PDGFD: variants seen among roughly 807,000 people sequenced by gnomAD.
The protein encoded by PDGFD is platelet-derived growth factor D.
PDGFD carries 30 observed loss-of-function variants against 44.7 expected under a neutral mutation model. The ratio of observed to expected loss-of-function variants is 0.67; its 90% CI spans 0.50 to 0.91. The LOEUF (loss-of-function observed/expected upper bound fraction) is 0.91, where lower values mean the gene tolerates loss of function less well. Ranked by LOEUF, PDGFD falls within the 40% of genes least tolerant of loss-of-function variation. PDGFD has a pLI of 0.00. For missense variants in PDGFD, 445 were observed against 457.8 expected, an observed-to-expected ratio of 0.97 and a Z score of 0.25; for synonymous variants, 173 against 168.4, an observed-to-expected ratio of 1.03 and a Z score of -0.21.
chr11:104,050,509 A>G (rs1860517085), intron 1 of PDGFD, among the ~76,000 whole-genome samples: 1 of 152,204 alleles, frequency 6.6e-6, no homozygotes, highest in African/African-American at 2.4e-5. Context: ...GGACCAGATA[A>G]GATAATTTTG....
chr11:104,056,243 A>C (rs1006246703), intron 1 of PDGFD, among the ~76,000 whole-genome samples: 5 of 152,206 alleles, frequency 3.3e-5, no homozygotes, highest in Non-Finnish European at 7.3e-5. Context: ...CAATGATATA[A>C]TACTTAATAT....
At chr11:104,157,617 T>G (rs1862325271) in intron 1 of PDGFD, among the ~76,000 whole-genome samples, 1 of 152,164 alleles carries the variant, frequency 6.6e-6, no homozygotes, top group Non-Finnish European at 1.5e-5. Context: ...GGCAGCACGG[T>G]CAACCCCTGC....
At chr11:104,104,776 C>A (rs1303209193) in intron 1 of PDGFD, among the ~76,000 whole-genome samples, 3 of 152,074 alleles carry the variant, frequency 2.0e-5, no homozygotes, top group Non-Finnish European at 4.4e-5. Flanking sequence ...TGATTGTACA[C>A]AGAAACTTCT....
At chr11:104,003,434 G>A (rs1422586333) in intron 1 of PDGFD, among the ~76,000 whole-genome samples, 1 of 152,234 alleles carries the variant, frequency 6.6e-6, no homozygotes, top group Non-Finnish European at 1.5e-5. Flanking sequence ...CAAACTGGAG[G>A]GAAAATGCCT....
In PDGFD at chr11:103,907,528, C is replaced by T. The variant is rs536815250; in HGVS notation, c.*2166G>A. On this transcript the variant is annotated 3_prime_UTR_variant, in exon 7 of 7. Coordinates refer to ENST00000393158, the MANE Select transcript of PDGFD (RefSeq NM_025208.5). ...AACCAAGGGAGAAGTTTTAATAAAA[C>T]TCTCAGGAAAGGCAAAGAAAAGTGA... is the stretch of plus-strand genomic sequence containing the variant. 6.6e-6 allele frequency: 1 copy of T among 152,258 alleles called. No homozygotes were observed. The highest frequency in any genetic ancestry group is 2.4e-5 in the African/African-American group (1 of 41,558). The allele number at this position is 152,258 out of a possible 1,614,324, so 9.4% of individuals were successfully genotyped here.
intron 1 of PDGFD, among the ~76,000 whole-genome samples, chr11:104,145,995 T>C (rs1862156835): frequency 6.6e-6 from 1 of 152,176 alleles, no homozygotes; most frequent in Non-Finnish European, 1.5e-5. Context: ...TGCCAACACC[T>C]TGAATTTGGA....
chr11:103,929,308 G>A (rs1466840269), intron 5 of PDGFD, among the ~76,000 whole-genome samples: 1 of 152,176 alleles, frequency 6.6e-6, no homozygotes, highest in African/African-American at 2.4e-5. Flanking sequence ...AAGAAGACCA[G>A]TGTTATGAGG....
intron 5 of PDGFD, among the ~76,000 whole-genome samples, chr11:103,933,618 A>G (rs1858440572): frequency 6.6e-6 from 1 of 152,228 alleles, no homozygotes; most frequent in South Asian, 2.1e-4. Context: ...GTTTAGAAGC[A>G]TTGTGAAGCA....
intron 1 of PDGFD, among the ~76,000 whole-genome samples, chr11:104,093,039 C>T (rs1046739565): frequency 2.6e-5 from 4 of 152,132 alleles, no homozygotes; most frequent in Admixed American, 2.6e-4. Flanking sequence ...TTTTCCCACT[C>T]GCTGAGTGAC....
At chr11:104,118,470 A>C (rs1565339960) in intron 1 of PDGFD, among the ~76,000 whole-genome samples, 1 of 151,544 alleles carries the variant, frequency 6.6e-6, no homozygotes, top group Non-Finnish European at 1.5e-5. Flanking sequence ...CATTCAGTTT[A>C]TGTTATCTTG....
At chr11:104,022,113 G>A (rs144288909) in intron 1 of PDGFD, among the ~76,000 whole-genome samples, 101 of 152,280 alleles carry the variant, frequency 6.6e-4, no homozygotes, top group African/African-American at 2.4e-3. Flanking sequence ...GAATAGAGTA[G>A]AAATTTTAAT....
intron 1 of PDGFD, among the ~76,000 whole-genome samples, chr11:104,036,356 A>C (rs1332788240): frequency 6.6e-6 from 1 of 151,926 alleles, no homozygotes; most frequent in Non-Finnish European, 1.5e-5. Context: ...AGAGAGGAGG[A>C]CTGCTTGAGC....
At chr11:104,003,610 A>G (rs1351412764) in intron 1 of PDGFD, among the ~76,000 whole-genome samples, 1 of 152,248 alleles carries the variant, frequency 6.6e-6, no homozygotes, top group African/African-American at 2.4e-5. Flanking sequence ...TCAGTGTGGT[A>G]TTATTGATAC....
At chr11:104,158,401 G>A (rs1484073474) in intron 1 of PDGFD, among the ~76,000 whole-genome samples, 1 of 152,194 alleles carries the variant, frequency 6.6e-6, no homozygotes, top group East Asian at 1.9e-4. Context: ...ACAATACAAT[G>A]GAACTGACAA....
intron 1 of PDGFD, among the ~76,000 whole-genome samples, chr11:104,002,127 G>A (rs1175501876): frequency 4.6e-5 from 7 of 152,128 alleles, no homozygotes; most frequent in African/African-American, 1.7e-4. Flanking sequence ...CTTCCTAGGA[G>A]ACGAAAATCA....
chr11:104,043,301 C>A (rs1421249622), intron 1 of PDGFD, among the ~76,000 whole-genome samples: 1 of 152,196 alleles, frequency 6.6e-6, no homozygotes, highest in South Asian at 2.1e-4. Context: ...CAGCCACCAA[C>A]TTCTGGTGCT....
chr11:104,030,264 T>C (rs1263581240), intron 1 of PDGFD, among the ~76,000 whole-genome samples: 4 of 152,220 alleles, frequency 2.6e-5, no homozygotes, highest in African/African-American at 9.6e-5. Context: ...AACCTGTATA[T>C]ACATTCACAT....
intron 1 of PDGFD, among the ~76,000 whole-genome samples, chr11:104,054,572 T>A (rs1860593413): frequency 1.3e-5 from 2 of 152,184 alleles, no homozygotes; most frequent in African/African-American, 4.8e-5. Flanking sequence ...TAGCATCACG[T>A]CGGCAAAGCC....
chr11:104,110,804 C>T (rs963569475), intron 1 of PDGFD, among the ~76,000 whole-genome samples: 3 of 152,004 alleles, frequency 2.0e-5, no homozygotes, highest in Admixed American at 2.0e-4. Flanking sequence ...GCATTTTTGT[C>T]CCTCCTTCTC....
Sources: allele counts gnomAD v4.1 joint callset (sites outside exome capture counted in the v4.1 genomes callset), GRCh38; gene constraint gnomAD v4.1.1; transcripts MANE v1.5; gene names NCBI Gene and HGNC (gene_info 2026-07-23, HGNC 2026-07-21).